OTOP3: variants seen among roughly 807,000 people sequenced by gnomAD.
OTOP3 encodes the protein otopetrin 3.
Under a neutral mutation model 50.8 loss-of-function variants are expected in OTOP3, and 41 were observed. The ratio of observed to expected loss-of-function variants is 0.81; its 90% CI spans 0.63 to 1.05. The LOEUF (loss-of-function observed/expected upper bound fraction) is 1.05, where lower values mean the gene tolerates loss of function less well. OTOP3 is among the 50% of genes least tolerant of loss of function. The pLI is 0.00. For missense variants in OTOP3, 788 were observed against 760.8 expected (o/e 1.04, Z -0.42); for synonymous variants, 320 against 324.4 (o/e 0.99, Z 0.14).
At chr17:74,944,711 C>T (rs2039209567) in intron 5 of OTOP3, among the ~76,000 whole-genome samples, 2 of 152,096 alleles carry the variant, frequency 1.3e-5, no homozygotes, top group Admixed American at 1.3e-4. Flanking sequence ...AAGCCGAGAT[C>T]GCACCATTGC....
At chr17:74,948,683 TAAA>T (rs2039251979) in intron 6 of OTOP3, among the ~76,000 whole-genome samples, 1 of 146,248 alleles carries the variant, frequency 6.8e-6, no homozygotes, top group Non-Finnish European at 1.5e-5. Flanking sequence ...ATAATAAAAA[TAAA>T]AATTAGCCAG....
At chr17:74,945,924 C>G (rs1199781461) in intron 5 of OTOP3, among the ~76,000 whole-genome samples, 1 of 152,044 alleles carries the variant, frequency 6.6e-6, no homozygotes, top group East Asian at 1.9e-4. Flanking sequence ...ATAGCTGGGA[C>G]TACAGATGTG....
At chr17:74,943,246 C>T (rs751300639) in intron 3 of OTOP3, 40 bp from the exon 4 acceptor site, 3 of 1,595,046 alleles carry the variant, frequency 1.9e-6, no homozygotes, top group East Asian at 4.5e-5. Flanking sequence ...GGTCCCACCA[C>T]CTCCACCAGC....
rs1034513418 is a variant in OTOP3, at chr17:74,949,474, A to G, written c.*58A>G. On this transcript the variant is annotated 3_prime_UTR_variant, in exon 7 of 7. Transcript: ENST00000328801. ...CAAGGTGGGGAAGATGGTAGCCCAG[A>G]GTCTCTGAGCAGATGCCTCATTCTG... 3.3e-5 allele frequency: 52 copies of G among 1,583,956 alleles called. No individual in the cohort carries two copies. The African/African-American group carries it at 6.1e-4, about 18-fold the overall frequency.
At chr17:74,940,865 A>C (rs950533439) in intron 1 of OTOP3, among the ~76,000 whole-genome samples, 2 of 152,174 alleles carry the variant, frequency 1.3e-5, no homozygotes, top group African/African-American at 4.8e-5. Flanking sequence ...GTTTCAGATC[A>C]CACCATTCTT....
At position 74,947,171 on chromosome 17, in the gene OTOP3, C is replaced by T; in HGVS notation, c.1262C>T (p.Ala421Val). ...TATTTCTCCATCGTGGCCATTGTGGCCAAGCGCCCGCATGAGCTGCTCAAC... is the reference window on the plus strand; with the variant it reads ...TATTTCTCCATCGTGGCCATTGTGGTCAAGCGCCCGCATGAGCTGCTCAAC... ...IAYFSIVAIV[A>V]KRPHELLNRL... Residue 421 changes from alanine (A) to valine (V), a missense_variant, in exon 6 of 7, where the codon GCC becomes GTC. Physicochemically the swap from Ala to Val is moderately conservative, Grantham distance 64. Coordinates refer to ENST00000328801, the MANE Select transcript of OTOP3 (RefSeq NM_001272005.2). The T allele has an allele frequency of 1.2e-6, 2 of 1,614,016 alleles. No individual in the cohort carries two copies. Among genetic ancestry groups the T allele is most frequent in the Non-Finnish European group, 8.5e-7 (1 of 1,180,022 alleles).
At position 74,943,762 on chromosome 17, in the gene OTOP3, A is replaced by T. The variant is rs1300760524; in HGVS notation, c.751+38A>T. On this transcript the variant is annotated intron_variant, in intron 5 of 6. Coordinates refer to ENST00000328801, the MANE Select transcript of OTOP3 (RefSeq NM_001272005.2). ...GACCAGGTCTTCCTTGCCCTGAAAC[A>T]CACACACACACACACACACACACAC... The T allele has an allele frequency of 5.0e-6, 3 of 598,354 alleles. No individual in the cohort carries two copies. In the East Asian group the frequency reaches 2.0e-4, roughly 39 times the overall value. 37.1% of individuals were successfully genotyped at this position (598,354 alleles called of 1,614,324 possible).
intron 5 of OTOP3, among the ~76,000 whole-genome samples, chr17:74,946,110 T>C (rs1315920637): frequency 6.6e-6 from 1 of 152,166 alleles, no homozygotes; most frequent in Non-Finnish European, 1.5e-5. Flanking sequence ...CCCGAGTAGC[T>C]GGGATTACAG....
intron 1 of OTOP3, among the ~76,000 whole-genome samples, chr17:74,937,359 G>A (rs2039129508): frequency 6.6e-6 from 1 of 152,222 alleles, no homozygotes; most frequent in Non-Finnish European, 1.5e-5. Context: ...CAGGCACAGA[G>A]TCTAAGTAGC....
chr17:74,946,822 A>G lies in OTOP3; in HGVS notation c.913A>G (p.Met305Val). 1 of 1,611,294 alleles carries G rather than the reference A, an allele frequency of 6.2e-7. No homozygotes were observed. ...KNVGRHVAPH[M>V]GAHPATAPFH... Reference sequence around the variant, plus strand: ...CGTGGGCCGCCACGTGGCACCCCACATGGGTGCCCACCCTGCCACCGCACC... The same window carrying G: ...CGTGGGCCGCCACGTGGCACCCCACGTGGGTGCCCACCCTGCCACCGCACC... The change falls in exon 6 of 7, where the codon ATG becomes GTG. Residue 305 changes from methionine (M) to valine (V), a missense_variant. Met to Val is a conservative substitution (Grantham distance 21). Coordinates refer to ENST00000328801, the MANE Select transcript of OTOP3 (RefSeq NM_001272005.2).
chr17:74,949,189 T>G (rs984212796), intron 6 of OTOP3, 57 bp from the exon 7 acceptor site: 1 of 1,579,244 alleles, frequency 6.3e-7, no homozygotes, highest in African/African-American at 1.3e-5. Context: ...TCCCCTGAAC[T>G]GAGTGCCTTG....
At chr17:74,949,054 C>A (rs769099609) in intron 6 of OTOP3, among the ~76,000 whole-genome samples, 192 bp from the exon 7 acceptor site, 1 of 152,086 alleles carries the variant, frequency 6.6e-6, no homozygotes, top group African/African-American at 2.4e-5. Flanking sequence ...ATAGCTAAGG[C>A]CTTCTGCAGT....
At chr17:74,944,273 G>A (rs1200765360) in intron 5 of OTOP3, among the ~76,000 whole-genome samples, 2 of 152,020 alleles carry the variant, frequency 1.3e-5, no homozygotes, top group African/African-American at 4.8e-5. Flanking sequence ...GCCCCACCCC[G>A]CCCCGGGTGG....
At chr17:74,946,596 T>C (rs1598607223) in intron 5 of OTOP3, 65 bp from the exon 6 acceptor site, 1 of 1,397,704 alleles carries the variant, frequency 7.2e-7, no homozygotes, top group Non-Finnish European at 9.8e-7. Flanking sequence ...GGTATCTGTG[T>C]AGCCAGTTTC....
At position 74,945,026 on chromosome 17, in the gene OTOP3, C is replaced by T. The variant is rs567154789; in HGVS notation, c.751+1302C>T. Among the ~76,000 whole-genome samples the T allele has an allele frequency of 5.9e-4, 90 of 152,026 alleles. 1 individual carries two copies. The highest frequency in any genetic ancestry group is 7.9e-4 in the Admixed American group (12 of 15,254). On this transcript the variant is annotated intron_variant, in intron 5 of 6. Coordinates refer to ENST00000328801, the MANE Select transcript of OTOP3 (RefSeq NM_001272005.2). Reference sequence around the variant, plus strand: ...GCAGTGGTGAAATCATAGCTCACTACAGTTTCAAACTTCTGGGCTCAAGCG... The same window carrying T: ...GCAGTGGTGAAATCATAGCTCACTATAGTTTCAAACTTCTGGGCTCAAGCG...
At chr17:74,942,203 A>T (rs1244016711) in intron 3 of OTOP3, among the ~76,000 whole-genome samples, 166 bp downstream of exon 3, 1 of 152,140 alleles carries the variant, frequency 6.6e-6, no homozygotes, top group Non-Finnish European at 1.5e-5. Flanking sequence ...GTCCACGTCC[A>T]CACATACCCA....
At chr17:74,937,584 A>G (rs919562512) in intron 1 of OTOP3, among the ~76,000 whole-genome samples, 1 of 152,052 alleles carries the variant, frequency 6.6e-6, no homozygotes, top group Non-Finnish European at 1.5e-5. Context: ...CTTAGGAGGG[A>G]AAGATAAAGA....
intron 1 of OTOP3, among the ~76,000 whole-genome samples, chr17:74,938,892 G>T (rs543845865): frequency 6.6e-6 from 1 of 152,114 alleles, no homozygotes; most frequent in Non-Finnish European, 1.5e-5. Context: ...TCAGGGCCAG[G>T]CATGGTGGCT....
At chr17:74,938,330 A>G (rs2131049) in intron 1 of OTOP3, among the ~76,000 whole-genome samples, 72,403 of 151,658 alleles carry the variant, frequency 0.48, 20,121 homozygotes, top group Non-Finnish European at 0.62. Context: ...AAGCTCCTGA[A>G]GCCTGGGGTC....
Sources: allele counts gnomAD v4.1 joint callset (sites outside exome capture counted in the v4.1 genomes callset), GRCh38; gene constraint gnomAD v4.1.1; transcripts MANE v1.5; gene names NCBI Gene and HGNC (gene_info 2026-07-23, HGNC 2026-07-21).